The following SUPT16H variants were observed in gnomAD, a reference collection of about 807,000 sequenced individuals.
The protein encoded by SUPT16H is FACT complex subunit SPT16.
Under a neutral mutation model 136.2 loss-of-function variants are expected in SUPT16H, and 24 were observed. The ratio of observed to expected loss-of-function variants is 0.18; its 90% CI spans 0.13 to 0.25. SUPT16H has a LOEUF of 0.25. Among genes scored for constraint, SUPT16H ranks in the 10% least tolerant of loss-of-function variants. The probability of loss-of-function intolerance (pLI) is 1.00; values close to 1 mark genes in which losing one functional copy is unlikely to be tolerated. For missense variants in SUPT16H, 623 were observed against 1,270.2 expected (o/e 0.49, Z 7.74); for synonymous variants, 415 against 428.2 (o/e 0.97, Z 0.38).
In SUPT16H at chr14:21,370,575, A is replaced by G; in HGVS notation, c.331-87T>C. The G allele has an allele frequency of 7.8e-6, 11 of 1,416,592 alleles. No individual in the cohort carries two copies. In the South Asian group the frequency reaches 1.5e-4, roughly 19 times the overall value. The allele number at this position is 1,416,592 out of a possible 1,614,324, so 87.8% of individuals were successfully genotyped here. On this transcript the variant is annotated intron_variant, in intron 3 of 25. Transcript: ENST00000216297. ...CCAGTAACAGGTAGAATAATATTCT[A>G]AACTACGGAAAAAATTAATTCTCCT...
chr14:21,364,774 C>T (rs1209383409), intron 10 of SUPT16H, 53 bp downstream of exon 10: 49 of 1,511,328 alleles, frequency 3.2e-5, no homozygotes, highest in East Asian at 4.5e-5. Flanking sequence ...GGTCCACAAA[C>T]GTGCCTCAGA....
chr14:21,354,294 G>C, intron 23 of SUPT16H, 117 bp downstream of exon 23: 1 of 1,248,142 alleles, frequency 8.0e-7, no homozygotes, highest in East Asian at 2.6e-5. Context: ...ATCAAGTGGT[G>C]TTTAGAGCTT....
At chr14:21,378,981 A>AT (rs1886963145) in intron 1 of SUPT16H, among the ~76,000 whole-genome samples, 1 of 152,242 alleles carries the variant, frequency 6.6e-6, no homozygotes, top group South Asian at 2.1e-4. Flanking sequence ...CAGAACAACT[A>AT]TCTTCCTTTG....
At chr14:21,372,480 G>T in intron 2 of SUPT16H, 1 of 312,982 alleles carries the variant, frequency 3.2e-6, no homozygotes, top group South Asian at 2.7e-5. Flanking sequence ...TTCCTTTCAG[G>T]TAAGTATGGT....
chr14:21,373,260 T>C (rs1280889181), intron 2 of SUPT16H, 78 bp downstream of exon 2: 1 of 1,189,504 alleles, frequency 8.4e-7, no homozygotes, highest in African/African-American at 1.5e-5. Context: ...ATTTAAGTTT[T>C]AATGTGGCTA....
intron 17 of SUPT16H, 149 bp downstream of exon 17, chr14:21,360,697 C>G (rs1267981988): frequency 3.1e-6 from 4 of 1,298,478 alleles, no homozygotes; most frequent in Non-Finnish European, 4.3e-6. Context: ...TTCCTCCCAG[C>G]ATTTCCTTGT....
In SUPT16H at chr14:21,357,810, G is replaced by A. The variant is rs1594298365; in HGVS notation, c.2490+117C>T. ...TTTAAAAGTAACATTTGTTCAATGA[G>A]TTTTAAGTCTAAGTAAATATCAAAA... On this transcript the variant is annotated intron_variant, in intron 21 of 25. Transcript: ENST00000216297. 18 of 1,043,172 alleles carry A rather than the reference G, an allele frequency of 1.7e-5. No homozygotes were observed. The East Asian group carries it at 4.4e-4, about 26-fold the overall frequency. 64.6% of individuals were successfully genotyped at this position (1,043,172 alleles called of 1,614,324 possible). A position where few individuals can be genotyped will look rare whatever the true frequency, so the allele number is the denominator to read the frequency against.
rs139844540 is a variant in SUPT16H at position 21,370,411 on chromosome 14, C to T, written c.408G>A (p.Val136=). ...KESKNGKKIG[V]FSKDKFPGEF... is the part of the protein sequence containing the mutation. Reference sequence around the variant, plus strand: ...CTCCAGGGAATTTGTCTTTGCTGAACACTCCAATCTTCTTGCCATTCTTGC... The same window carrying T: ...CTCCAGGGAATTTGTCTTTGCTGAATACTCCAATCTTCTTGCCATTCTTGC... Residue 136 remains valine (V), a synonymous_variant, in exon 4 of 26, where the codon GTG becomes GTA. Transcript: ENST00000216297. The T allele has an allele frequency of 2.5e-5, 40 of 1,613,942 alleles. No individual in the cohort carries two copies. The East Asian group carries it at 4.7e-4, about 19-fold the overall frequency.
Position 21,374,879 on chromosome 14 carries a change from CTG to C in SUPT16H, c.67-1451_67-1450del, listed in dbSNP as rs1886868112. ...GGTAACTTTTCGAGGAATCATCAGA[CTG>C]TTTGTCACCATGACTGCACTAGTCA... On this transcript the variant is annotated intron_variant, in intron 1 of 25. Transcript: ENST00000216297. Among the ~76,000 whole-genome samples, 3 of 152,214 alleles carry C rather than the reference CTG, an allele frequency of 2.0e-5. No homozygotes were observed. In the South Asian group the frequency reaches 6.2e-4, roughly 31 times the overall value.
At position 21,358,394 on chromosome 14, in the gene SUPT16H, C is replaced by T; in HGVS notation, c.2335G>A (p.Ala779Thr). 1 of 1,613,700 alleles carries T rather than the reference C, an allele frequency of 6.2e-7. No homozygotes were observed. Among genetic ancestry groups the T allele is most frequent in the Non-Finnish European group, 8.5e-7 (1 of 1,179,900 alleles). ...ACTTTCTCAATGAAATTTTTAAAGGCTGTTTTCAGTTTGTGCCTCATTTCT... is the reference window on the plus strand; with the variant it reads ...ACTTTCTCAATGAAATTTTTAAAGGTTGTTTTCAGTTTGTGCCTCATTTCT... ...EREMRHKLKT[A>T]FKNFIEKVEA... is the part of the protein sequence containing the mutation. The change falls in exon 20 of 26, where the codon GCC becomes ACC. Residue 779 changes from alanine to threonine, a missense_variant. Physicochemically the swap from Ala to Thr is moderately conservative, Grantham distance 58. Transcript: ENST00000216297.
chr14:21,371,843 C>T (rs1344682045), intron 3 of SUPT16H, 31 bp downstream of exon 3: 1 of 1,610,098 alleles, frequency 6.2e-7, no homozygotes, highest in Admixed American at 1.7e-5. Context: ...GATTCTTCCA[C>T]ATTTATGACA....
Position 21,358,445 on chromosome 14 carries a change from A to T in SUPT16H, c.2302-18T>A. The T allele has an allele frequency of 1.9e-6, 3 of 1,545,516 alleles. No individual in the cohort carries two copies. Among genetic ancestry groups the T allele is most frequent in the Non-Finnish European group, 1.8e-6 (2 of 1,121,578 alleles). On this transcript the variant is annotated intron_variant, in intron 19 of 25. Transcript: ENST00000216297. ...CGTTCCATCTGTAGAAGAAAAAAATATCAAATACAGCCATCACATTTGTTA... is the reference window on the plus strand; with the variant it reads ...CGTTCCATCTGTAGAAGAAAAAAATTTCAAATACAGCCATCACATTTGTTA...
intron 1 of SUPT16H, among the ~76,000 whole-genome samples, chr14:21,376,620 T>C (rs1453206764): frequency 1.3e-5 from 2 of 152,120 alleles, no homozygotes; most frequent in African/African-American, 4.8e-5. Flanking sequence ...AATAGTGAAA[T>C]AGTAATGGCA....
In SUPT16H at chr14:21,357,271, C is replaced by T. The variant is rs142116352; in HGVS notation, c.2586G>A (p.Lys862=). ...TCATGGTCACTTTCTTGCTGTAGTC[C>T]TTGTAGACGATTACCATATCAAAGT... The part of the protein sequence containing the change: ...LKNFDMVIVY[K]DYSKKVTMIN... Residue 862 remains lysine, a synonymous_variant, in exon 22 of 26, where the codon AAG becomes AAA. Coordinates refer to ENST00000216297, the MANE Select transcript of SUPT16H (RefSeq NM_007192.4). The T allele has an allele frequency of 5.1e-5, 83 of 1,613,336 alleles. No homozygotes were observed. In the East Asian group the frequency reaches 1.8e-3, roughly 36 times the overall value.
chr14:21,383,614 G>A (rs1887093957), intron 1 of SUPT16H: 1 of 703,658 alleles, frequency 1.4e-6, no homozygotes, highest in Admixed American at 2.0e-5. Context: ...GAGAGGTGCT[G>A]CTATGCATGA....
At chr14:21,372,081 G>C in intron 2 of SUPT16H, 37 bp from the exon 3 acceptor site, 1 of 1,577,154 alleles carries the variant, frequency 6.3e-7, no homozygotes, top group Non-Finnish European at 8.6e-7. Context: ...GGTATTTACA[G>C]ATACAAAAAT....
At position 21,373,206 on chromosome 14, in the gene SUPT16H, A is replaced by G; in HGVS notation, c.159+132T>C. ...AGCAATCCACCTGCCTCGGCCTCCCAAAGTGCTGGGATTACAGGCATGAGC... is the reference window on the plus strand; with the variant it reads ...AGCAATCCACCTGCCTCGGCCTCCCGAAGTGCTGGGATTACAGGCATGAGC... On this transcript the variant is annotated intron_variant, in intron 2 of 25. Coordinates refer to ENST00000216297, the MANE Select transcript of SUPT16H (RefSeq NM_007192.4). The G allele has an allele frequency of 4.2e-6, 3 of 720,896 alleles. No individual in the cohort carries two copies. In the East Asian group the frequency reaches 8.3e-5, roughly 20 times the overall value. The allele number at this position is 720,896 out of a possible 1,614,324, so 44.7% of individuals were successfully genotyped here.
intron 1 of SUPT16H, among the ~76,000 whole-genome samples, chr14:21,375,607 T>C (rs1330194074): frequency 6.6e-6 from 1 of 151,886 alleles, no homozygotes; most frequent in East Asian, 1.9e-4. Flanking sequence ...TTCTTTTTTA[T>C]TTTGGAGACA....
At chr14:21,362,367 T>C (rs1479133214) in intron 14 of SUPT16H, 43 bp from the exon 15 acceptor site, 2 of 1,580,188 alleles carry the variant, frequency 1.3e-6, no homozygotes, top group Non-Finnish European at 1.7e-6. Flanking sequence ...ATTTCTTTCC[T>C]AGAGATTAGT....
Sources: gnomAD v4.1 joint callset for allele counts (sites outside exome capture counted in the v4.1 genomes callset) on GRCh38, gnomAD v4.1.1 for gene constraint, MANE v1.5 for transcripts, NCBI Gene and HGNC (gene_info 2026-07-23, HGNC 2026-07-21) for gene names.